Variants in KLHL30 observed in about 807,000 individuals in gnomAD.
The protein encoded by KLHL30 is kelch like family member 30.
A neutral mutation model predicts 55.0 loss-of-function variants in KLHL30; 55 were observed. The observed-to-expected ratio is 1.00, with a 90% CI of 0.80 to 1.25. The LOEUF (loss-of-function observed/expected upper bound fraction) is 1.25, where lower values mean the gene tolerates loss of function less well. Among genes scored for constraint, KLHL30 ranks in the 50% most tolerant of loss-of-function variants. The probability of loss-of-function intolerance (pLI) is 0.00; values close to 1 mark genes in which losing one functional copy is unlikely to be tolerated. For synonymous variants in KLHL30, 356 were observed against 372.6 expected, an observed-to-expected ratio of 0.96 and a Z score of 0.51; for missense variants, 786 against 811.6, an observed-to-expected ratio of 0.97 and a Z score of 0.38.
chr2:238,144,432 A>AAGGAAGGAAGGAAGGAAGGCAGGC (rs1692608040), intron 3 of KLHL30, among the ~76,000 whole-genome samples: 20 of 82,446 alleles, frequency 2.4e-4, no homozygotes, highest in South Asian at 4.1e-4. Flanking sequence ...GGAAGGAAGG[A>AAGGAAGGAAGGAAGGAAGGCAGGC]AGGCAGGCAG....
At position 238,149,052 on chromosome 2, in the gene KLHL30, C is replaced by T; in HGVS notation, c.1385C>T (p.Ser462Phe). The T allele has an allele frequency of 6.2e-7, 1 of 1,613,042 alleles. No individual in the cohort carries two copies. Among genetic ancestry groups the T allele is most frequent in the Non-Finnish European group, 8.5e-7 (1 of 1,179,752 alleles). ...TCGCCCTTCCTGCCCAAGTACCTGT[C>T]CTCGCCTCGCTGTGCTGCACTGCAC... ...IASPFLPKYL[S>F]SPRCAALHGE... Residue 462 changes from serine (S) to phenylalanine (F), a missense_variant, in exon 7 of 8, where the codon TCC becomes TTC. Transcript: ENST00000409223.
At chr2:238,148,916 A>T in intron 6 of KLHL30, 91 bp from the exon 7 acceptor site, 2 of 1,320,536 alleles carry the variant, frequency 1.5e-6, no homozygotes, top group Middle Eastern at 1.9e-4. Flanking sequence ...TCAGAGAGGC[A>T]CTGAGTCCAG....
intron 3 of KLHL30, 87 bp from the exon 4 acceptor site, chr2:238,144,815 A>C: frequency 1.0e-6 from 1 of 974,324 alleles, no homozygotes. Flanking sequence ...CACCCGGTGC[A>C]TGGAAAGGCA....
At chr2:238,144,414 G>T (rs796334400) in intron 3 of KLHL30, among the ~76,000 whole-genome samples, 310 of 120,710 alleles carry the variant, frequency 2.6e-3, no homozygotes, top group African/African-American at 7.4e-3. Flanking sequence ...AAGGAAGGAA[G>T]GAAGGAAGGA....
Position 238,151,064 on chromosome 2 carries a change from A to C in KLHL30, c.1736A>C (p.Ter579SerextTer66). The change falls in exon 8 of 8, where the codon TAA becomes TCA. Residue 579 changes from the stop codon to serine, a stop_lost. Transcript: ENST00000409223. The stretch of plus-strand genomic sequence containing the variant: ...CCCTCCGGCCCCACCCAGGAGCACT[A>C]AACCAGGGCCAGGGTCCCCGGGGAG... ...TQPSGPTQEH[*>S] 2 of 1,588,630 alleles carry C rather than the reference A, an allele frequency of 1.3e-6. No individual in the cohort carries two copies. Among genetic ancestry groups the C allele is most frequent in the Non-Finnish European group, 1.7e-6 (2 of 1,167,594 alleles).
chr2:238,143,823 C>T (rs892272783), intron 3 of KLHL30, among the ~76,000 whole-genome samples: 1 of 152,214 alleles, frequency 6.6e-6, no homozygotes, highest in Admixed American at 6.5e-5. Context: ...GGCTGGGCAA[C>T]CCCCACCCTG....
chr2:238,144,777 T>C (rs1386877329), intron 3 of KLHL30, 125 bp from the exon 4 acceptor site: 2 of 741,302 alleles, frequency 2.7e-6, no homozygotes, highest in Non-Finnish European at 4.7e-6. Flanking sequence ...GCCCCTCCCT[T>C]TCCCCACCAG....
intron 7 of KLHL30, among the ~76,000 whole-genome samples, chr2:238,149,971 G>GT (rs1159377770): frequency 1.3e-5 from 2 of 152,174 alleles, no homozygotes; most frequent in East Asian, 1.9e-4. Context: ...CCTTCCTGCA[G>GT]CCCCCCTGCA....
intron 7 of KLHL30, 95 bp from the exon 8 acceptor site, chr2:238,150,719 G>A: frequency 1.4e-6 from 2 of 1,416,004 alleles, no homozygotes; most frequent in Non-Finnish European, 1.9e-6. Flanking sequence ...GTGGCTGGCT[G>A]TCCTCTCTGC....
Position 238,152,021 on chromosome 2 carries a change from C to T in KLHL30, c.*956C>T. 1.0e-6 allele frequency: 1 copy of T among 985,506 alleles called. No homozygotes were observed. Among genetic ancestry groups the T allele is most frequent in the Non-Finnish European group, 1.2e-6 (1 of 829,982 alleles). The allele number at this position is 985,506 out of a possible 1,614,324, so 61.0% of individuals were successfully genotyped here. ...CCCTCATCCTGAATGAGGCACCCAC[C>T]TTTGCAGCTAAGGAGACAATGAAGG... On this transcript the variant is annotated 3_prime_UTR_variant, in exon 8 of 8. Transcript: ENST00000409223.
intron 5 of KLHL30, among the ~76,000 whole-genome samples, chr2:238,146,596 C>T (rs993558100): frequency 3.3e-5 from 5 of 150,432 alleles, no homozygotes; most frequent in African/African-American, 9.7e-5. Context: ...CTGTAGTGAT[C>T]GGATTTCACC....
intron 6 of KLHL30, 150 bp downstream of exon 6, chr2:238,148,172 G>A: frequency 1.3e-6 from 1 of 750,720 alleles, no homozygotes; most frequent in Admixed American, 4.0e-5. Context: ...CTCACAAAGA[G>A]GAGGGGATGT....
intron 7 of KLHL30, among the ~76,000 whole-genome samples, chr2:238,150,258 T>C (rs1238030135): frequency 1.3e-5 from 2 of 152,166 alleles, no homozygotes. Flanking sequence ...TGTCTTCATC[T>C]GGAGGCCACA....
chr2:238,150,060 C>A (rs940304557), intron 7 of KLHL30, among the ~76,000 whole-genome samples: 14 of 152,176 alleles, frequency 9.2e-5, no homozygotes, highest in Non-Finnish European at 4.4e-5. Flanking sequence ...CTCAGCTGAC[C>A]CAGGGCCCCC....
chr2:238,151,081 C>A lies in KLHL30; in HGVS notation c.*16C>A. 2 of 1,572,494 alleles carry A rather than the reference C, an allele frequency of 1.3e-6. No individual in the cohort carries two copies. Among genetic ancestry groups the A allele is most frequent in the East Asian group, 2.3e-5 (1 of 42,904 alleles). On this transcript the variant is annotated 3_prime_UTR_variant, in exon 8 of 8. Coordinates refer to ENST00000409223, the MANE Select transcript of KLHL30 (RefSeq NM_198582.4). ...GGAGCACTAAACCAGGGCCAGGGTC[C>A]CCGGGGAGGAGTCCCCACAGCGGCC...
At chr2:238,142,738 C>T (rs746180144) in intron 2 of KLHL30, 61 bp from the exon 3 acceptor site, 359 of 1,337,920 alleles carry the variant, frequency 2.7e-4, no homozygotes, top group Middle Eastern at 1.1e-3. Context: ...CCAGGACACG[C>T]GGGGGCTCAG....
intron 5 of KLHL30, 107 bp downstream of exon 5, chr2:238,145,939 C>A: frequency 1.6e-6 from 2 of 1,268,868 alleles, no homozygotes; most frequent in Non-Finnish European, 2.1e-6. Flanking sequence ...ACGGAGATGC[C>A]GCTCCCACTG....
intron 3 of KLHL30, 65 bp downstream of exon 3, chr2:238,142,996 C>T (rs1692570029): frequency 1.4e-6 from 2 of 1,458,362 alleles, no homozygotes; most frequent in Non-Finnish European, 1.8e-6. Flanking sequence ...GCCGCTGTGT[C>T]CTCCTTGCAG....
Position 238,151,975 on chromosome 2 carries a change from C to A in KLHL30, c.*910C>A, listed in dbSNP as rs1342847389. On this transcript the variant is annotated 3_prime_UTR_variant, in exon 8 of 8. Transcript: ENST00000409223. ...CAGCATGCAGCCCGACTCCGGCTGGCTCAGGCTCCGAGTGGCTTCTCCCTC... is the reference window on the plus strand; with the variant it reads ...CAGCATGCAGCCCGACTCCGGCTGGATCAGGCTCCGAGTGGCTTCTCCCTC... 1.0e-5 allele frequency: 10 copies of A among 985,412 alleles called. No homozygotes were observed. Among genetic ancestry groups the A allele is most frequent in the Non-Finnish European group, 1.2e-5 (10 of 829,984 alleles). 61.0% of individuals were successfully genotyped at this position (985,412 alleles called of 1,614,324 possible).
Sources: gnomAD v4.1 joint callset for allele counts (sites outside exome capture counted in the v4.1 genomes callset) on GRCh38, gnomAD v4.1.1 for gene constraint, MANE v1.5 for transcripts, NCBI Gene and HGNC (gene_info 2026-07-23, HGNC 2026-07-21) for gene names.